LRP1B: variants seen among roughly 807,000 people sequenced by gnomAD.
LRP1B encodes low-density lipoprotein receptor-related protein 1B.
Under a neutral mutation model 556.6 loss-of-function variants are expected in LRP1B, and 217 were observed. That is an observed-to-expected ratio of 0.39 (90% CI 0.35 to 0.44). The LOEUF (loss-of-function observed/expected upper bound fraction) is 0.44. Among genes scored for constraint, LRP1B ranks in the 20% least tolerant of loss-of-function variants. The pLI, the probability that LRP1B is intolerant of heterozygous loss-of-function variation, is 1.00. For missense variants in LRP1B, 5,053 were observed against 5,620.8 expected (o/e 0.90, Z 3.23); for synonymous variants, 2,047 against 1,865.8 (o/e 1.10, Z -2.50).
At chr2:141,080,735 C>A (rs895308243) in intron 7 of LRP1B, among the ~76,000 whole-genome samples, 1 of 152,176 alleles carries the variant, frequency 6.6e-6, no homozygotes, top group Non-Finnish European at 1.5e-5. Context: ...TACAGTAGTA[C>A]GCCCATATCC....
chr2:141,448,804 A>G (rs987866537), intron 3 of LRP1B, among the ~76,000 whole-genome samples: 21 of 152,192 alleles, frequency 1.4e-4, no homozygotes, highest in Middle Eastern at 3.2e-3. Flanking sequence ...TTCTGCGTTC[A>G]TCTTGCTGGG....
At chr2:141,561,230 C>A (rs760202057) in intron 2 of LRP1B, among the ~76,000 whole-genome samples, 1 of 151,638 alleles carries the variant, frequency 6.6e-6, no homozygotes, top group Non-Finnish European at 1.5e-5. Context: ...TGCTATATGC[C>A]ATTATGTTCC....
intron 1 of LRP1B, among the ~76,000 whole-genome samples, chr2:141,867,197 C>T (rs957968512): frequency 2.0e-5 from 3 of 151,924 alleles, no homozygotes; most frequent in Non-Finnish European, 2.9e-5. Flanking sequence ...AGACCCAGTG[C>T]CTGCAATACT....
chr2:141,277,696 T>C lies in LRP1B; in HGVS notation c.344-23055A>G, dbSNP rs1352194872. On this transcript the variant is annotated intron_variant, in intron 3 of 90. Transcript: ENST00000389484. Reference sequence around the variant, plus strand: ...TTTTTTTTTTCTGTTGGTGCATATATGTCAGATTGGAAAAAGCTAGCCTAT... The same window carrying C: ...TTTTTTTTTTCTGTTGGTGCATATACGTCAGATTGGAAAAAGCTAGCCTAT... Among the ~76,000 whole-genome samples the C allele has an allele frequency of 1.3e-4, 20 of 150,464 alleles. 1 individual carries two copies. Among genetic ancestry groups the C allele is most frequent in the Admixed American group, 6.6e-5 (1 of 15,110 alleles).
At chr2:141,945,854 G>A (rs1190048548) in intron 1 of LRP1B, among the ~76,000 whole-genome samples, 1 of 152,110 alleles carries the variant, frequency 6.6e-6, no homozygotes, top group Non-Finnish European at 1.5e-5. Flanking sequence ...TAAACATATT[G>A]TTTCAGTCTG....
intron 2 of LRP1B, among the ~76,000 whole-genome samples, chr2:141,617,642 T>G (rs382892): frequency 0.039 from 6,014 of 152,274 alleles, 237 homozygotes; most frequent in African/African-American, 0.1. Flanking sequence ...AAATGAGTTA[T>G]CCAGTAATAA....
intron 1 of LRP1B, among the ~76,000 whole-genome samples, chr2:141,955,693 C>T (rs1186552861): frequency 6.6e-6 from 1 of 152,022 alleles, no homozygotes; most frequent in Non-Finnish European, 1.5e-5. Context: ...CCTGAGTCAG[C>T]TCACATCGCT....
chr2:140,766,825 ATATATATATATATATATAT>A (rs1178039084), intron 35 of LRP1B, among the ~76,000 whole-genome samples: 5,997 of 81,412 alleles, frequency 0.074, 191 homozygotes, highest in Middle Eastern at 0.11. Flanking sequence ...TTTGTAAAAT[ATATATATATATATATATAT>A]TATATATATA....
chr2:141,097,123 T>A (rs904184090), intron 7 of LRP1B, among the ~76,000 whole-genome samples: 24 of 152,242 alleles, frequency 1.6e-4, no homozygotes, highest in Non-Finnish European at 2.9e-5. Context: ...GCTATTTGTT[T>A]CTGTATATAA....
intron 3 of LRP1B, among the ~76,000 whole-genome samples, chr2:141,326,754 G>A (rs1559007028): frequency 6.6e-6 from 1 of 152,188 alleles, no homozygotes; most frequent in Non-Finnish European, 1.5e-5. Flanking sequence ...CAAAATGTCA[G>A]TAGTGCCAAG....
At chr2:140,470,518 G>A (rs1162667880) in intron 60 of LRP1B, among the ~76,000 whole-genome samples, 3 of 151,780 alleles carry the variant, frequency 2.0e-5, no homozygotes, top group Non-Finnish European at 2.9e-5. Flanking sequence ...GGTGGAGGGC[G>A]CCTGTAGTCC....
intron 43 of LRP1B, among the ~76,000 whole-genome samples, chr2:140,598,152 A>C (rs1682516452): frequency 6.6e-6 from 1 of 152,202 alleles, no homozygotes; most frequent in Admixed American, 6.5e-5. Flanking sequence ...ACCCAGAGAA[A>C]AGAGAGTCCA....
intron 15 of LRP1B, among the ~76,000 whole-genome samples, chr2:141,003,127 G>A (rs1357967): frequency 6.6e-6 from 1 of 151,632 alleles, no homozygotes; most frequent in African/African-American, 2.4e-5. Flanking sequence ...CACATAAAAG[G>A]TCATAAATGG....
At chr2:141,889,574 A>G (rs1159287526) in intron 1 of LRP1B, among the ~76,000 whole-genome samples, 1 of 152,112 alleles carries the variant, frequency 6.6e-6, no homozygotes, top group Non-Finnish European at 1.5e-5. Context: ...GCCTCTATAT[A>G]TTGTGTAGTT....
intron 6 of LRP1B, among the ~76,000 whole-genome samples, chr2:141,218,722 A>G (rs1334767346): frequency 6.6e-6 from 1 of 152,196 alleles, no homozygotes; most frequent in Non-Finnish European, 1.5e-5. Context: ...AAACTTTAAC[A>G]TCATGCAATA....
intron 3 of LRP1B, among the ~76,000 whole-genome samples, chr2:141,468,344 A>G (rs972504916): frequency 1.3e-5 from 2 of 152,168 alleles, no homozygotes; most frequent in Non-Finnish European, 2.9e-5. Context: ...AACAAATGAA[A>G]CAAACCCAGT....
At position 141,017,343 on chromosome 2, in the gene LRP1B, A is replaced by G. The variant is rs188993875; in HGVS notation, c.1971-1428T>C. ...ATATACAGTTAATCAATACGGTTTT[A>G]TTTTTGTTCATTTATAACATTAATA... is the stretch of plus-strand genomic sequence containing the variant. On this transcript the variant is annotated intron_variant, in intron 12 of 90. Coordinates refer to ENST00000389484, the MANE Select transcript of LRP1B (RefSeq NM_018557.3). Among the ~76,000 whole-genome samples, 4 of 151,360 alleles carry G rather than the reference A, an allele frequency of 2.6e-5. No individual in the cohort carries two copies. The Admixed American group carries it at 2.6e-4, about 10-fold the overall frequency.
chr2:140,261,049 A>G (rs994543156), intron 86 of LRP1B, among the ~76,000 whole-genome samples: 20 of 112,798 alleles, frequency 1.8e-4, no homozygotes, highest in Non-Finnish European at 3.5e-4. Context: ...ATATATATAT[A>G]TGTGTGTGTA....
intron 32 of LRP1B, 142 bp downstream of exon 32, chr2:140,813,512 AGAG>A: frequency 1.5e-6 from 1 of 646,260 alleles, no homozygotes; most frequent in Non-Finnish European, 2.6e-6. Context: ...AAAAGAAGGA[AGAG>A]AAGAAAACCT....
Sources: allele counts gnomAD v4.1 joint callset (sites outside exome capture counted in the v4.1 genomes callset), GRCh38; gene constraint gnomAD v4.1.1; transcripts MANE v1.5; gene names NCBI Gene and HGNC (gene_info 2026-07-23, HGNC 2026-07-21).